PIK3CD: variants seen among roughly 807,000 people sequenced by gnomAD.
PIK3CD encodes phosphatidylinositol-4,5-bisphosphate 3-kinase catalytic subunit delta.
PIK3CD carries 20 observed loss-of-function variants against 122.9 expected under a neutral mutation model. That is an observed-to-expected ratio of 0.16 (90% CI 0.11 to 0.24). The LOEUF is 0.24. PIK3CD is among the 10% of genes least tolerant of loss of function. The pLI, the probability that PIK3CD is intolerant of heterozygous loss-of-function variation, is 1.00. For missense variants in PIK3CD, 787 were observed against 1,406.3 expected (o/e 0.56, Z 7.04); for synonymous variants, 596 against 593.4 (o/e 1.00, Z -0.06).
chr1:9,723,521 A>G lies in PIK3CD; in HGVS notation c.2594+229A>G, dbSNP rs1265127966. The stretch of plus-strand genomic sequence containing the variant: ...CCATCCAAAGCGCAGGGCTTTAAAA[A>G]ACAGCCATTTACGATTGGCTCACAG... On this transcript the variant is annotated intron_variant, in intron 20 of 23. Transcript: ENST00000377346. The surrounding 1 kb of genome is among the most constrained non-coding windows in gnomAD (Gnocchi z 4.9). Among the ~76,000 whole-genome samples, 5 of 152,210 alleles carry G rather than the reference A, an allele frequency of 3.3e-5. No homozygotes were observed. Among genetic ancestry groups the G allele is most frequent in the Non-Finnish European group, 1.5e-5 (1 of 68,036 alleles).
At chr1:9,638,592 T>C in the PIK3CD span, among the ~76,000 whole-genome samples, 8 of 150,440 alleles carry the variant, frequency 5.3e-5, no homozygotes, top group Non-Finnish European at 7.4e-5. Context: ...GTTAGCGGGG[T>C]GTGGTGGCGG....
Position 9,682,635 on chromosome 1 carries a change from C to T in PIK3CD, c.-137-8832C>T, listed in dbSNP as rs570620444. On this transcript the variant is annotated intron_variant, in intron 1 of 23. Transcript: ENST00000377346. ...CACGATTTCAGCTCACTGCCATCTC[C>T]GCCTCCTGGGTTCAAGCGATTTTCC... Among the ~76,000 whole-genome samples, 10 of 152,276 alleles carry T rather than the reference C, an allele frequency of 6.6e-5. No homozygotes were observed. The South Asian group carries it at 8.3e-4, about 13-fold the overall frequency.
In PIK3CD at chr1:9,710,693, G is replaced by A. The variant is rs530389368; in HGVS notation, c.141+97G>A. ...GACAGACAGACAGACAGATGGACAG[G>A]TGGACAGACGGACAGACAGATGGAC... is the stretch of plus-strand genomic sequence containing the variant. On this transcript the variant is annotated intron_variant, in intron 3 of 23. Coordinates refer to ENST00000377346, the MANE Select transcript of PIK3CD (RefSeq NM_005026.5). The surrounding 1 kb of genome is among the most constrained non-coding windows in gnomAD (Gnocchi z 4.7). 5.3e-4 allele frequency: 711 copies of A among 1,349,786 alleles called. 6 individuals are homozygous for A. Among genetic ancestry groups the A allele is most frequent in the South Asian group, 5.0e-3 (428 of 84,888 alleles). 83.6% of individuals were successfully genotyped at this position (1,349,786 alleles called of 1,614,324 possible). A position where few individuals can be genotyped will look rare whatever the true frequency, so the allele number is the denominator to read the frequency against.
intron 3 of PIK3CD, among the ~76,000 whole-genome samples, chr1:9,713,784 A>T (rs1402512582): frequency 4.7e-5 from 7 of 148,044 alleles, no homozygotes; most frequent in Admixed American, 6.7e-5. Context: ...TATTATTATT[A>T]TTTTTGTAAC....
the PIK3CD span, among the ~76,000 whole-genome samples, chr1:9,638,418 C>T: frequency 2.6e-5 from 4 of 152,014 alleles, no homozygotes; most frequent in African/African-American, 7.2e-5. Flanking sequence ...CCTCCAAACC[C>T]GCTTCCGATG....
the PIK3CD span, among the ~76,000 whole-genome samples, chr1:9,642,305 G>T: frequency 6.6e-6 from 1 of 151,654 alleles, no homozygotes; most frequent in South Asian, 2.1e-4. Flanking sequence ...TGGAGACAGG[G>T]TTTCACCATG....
At chr1:9,711,422 T>C (rs1394434773) in intron 3 of PIK3CD, among the ~76,000 whole-genome samples, 1 of 152,188 alleles carries the variant, frequency 6.6e-6, no homozygotes, top group African/African-American at 2.4e-5. Flanking sequence ...CCATGAGTTG[T>C]TGAAAGACTT....
At chr1:9,633,545 G>T in the PIK3CD span, among the ~76,000 whole-genome samples, 1 of 152,180 alleles carries the variant, frequency 6.6e-6, no homozygotes, top group Admixed American at 6.6e-5. Context: ...CTGACCTCAG[G>T]CCATCCACCT....
chr1:9,666,009 C>A (rs1645146828), intron 1 of PIK3CD, among the ~76,000 whole-genome samples: 1 of 152,184 alleles, frequency 6.6e-6, no homozygotes, highest in Admixed American at 6.5e-5. Context: ...TCACTGCAAC[C>A]TCCTTCTCCT....
Position 9,718,039 on chromosome 1 carries a change from T to G in PIK3CD, c.1020+413T>G. 4.2e-6 allele frequency: 2 copies of G among 477,592 alleles called. No homozygotes were observed. Among genetic ancestry groups the G allele is most frequent in the Non-Finnish European group, 8.3e-6 (2 of 241,846 alleles). 29.6% of individuals were successfully genotyped at this position (477,592 alleles called of 1,614,324 possible). A position where few individuals can be genotyped will look rare whatever the true frequency, so the allele number is the denominator to read the frequency against. On this transcript the variant is annotated intron_variant, in intron 8 of 23. Coordinates refer to ENST00000377346, the MANE Select transcript of PIK3CD (RefSeq NM_005026.5). This position sits in a 1 kb window ranked among gnomAD's most constrained non-coding sequence, Gnocchi z 7.2. ...TGTGAGGGCTGCACCTGCCTCAACC[T>G]CTAGGGGCTGAGCCCACCTCCCTGT...
At chr1:9,644,273 G>T in the PIK3CD span, among the ~76,000 whole-genome samples, 23 of 152,092 alleles carry the variant, frequency 1.5e-4, no homozygotes, top group East Asian at 3.8e-4. Flanking sequence ...CAGCACTTTG[G>T]GGGGCTTGAG....
chr1:9,642,707 A>G, the PIK3CD span, among the ~76,000 whole-genome samples: 1 of 135,120 alleles, frequency 7.4e-6, no homozygotes, highest in Non-Finnish European at 1.6e-5. Flanking sequence ...AAAGAGCGAG[A>G]CTCTGTCTCA....
At position 9,721,957 on chromosome 1, in the gene PIK3CD, C is replaced by T. The variant is rs1371278455; in HGVS notation, c.2056-18C>T. ...AGGCTGGGACCTGCCCACCGCCGCC[C>T]TCCCATCTGCCCACCAGGGGGAAGC... On this transcript the variant is annotated intron_variant, in intron 16 of 23. Transcript: ENST00000377346. 13 of 1,613,236 alleles carry T rather than the reference C, an allele frequency of 8.1e-6. No homozygotes were observed. Among genetic ancestry groups the T allele is most frequent in the Non-Finnish European group, 1.1e-5 (13 of 1,179,960 alleles).
chr1:9,718,926 G>C lies in PIK3CD; in HGVS notation c.1242+11G>C. 6.2e-7 allele frequency: 1 copy of C among 1,610,660 alleles called. No individual in the cohort carries two copies. The highest frequency in any genetic ancestry group is 8.5e-7 in the Non-Finnish European group (1 of 1,179,406). Reference sequence around the variant, plus strand: ...AAGTCCAAGAAGGCGGTGGGTCCCAGGGCCGGCTGGGAGGGGTGCAGACCC... The same window carrying C: ...AAGTCCAAGAAGGCGGTGGGTCCCACGGCCGGCTGGGAGGGGTGCAGACCC... On this transcript the variant is annotated intron_variant, in intron 9 of 23. Coordinates refer to ENST00000377346, the MANE Select transcript of PIK3CD (RefSeq NM_005026.5). This position sits in a 1 kb window ranked among gnomAD's most constrained non-coding sequence, Gnocchi z 7.2.
intron 1 of PIK3CD, among the ~76,000 whole-genome samples, chr1:9,671,388 C>G (rs908590340): frequency 6.6e-6 from 1 of 152,050 alleles, no homozygotes; most frequent in African/African-American, 2.4e-5. Context: ...TGTGAGCCAC[C>G]AGGCCTGGCC....
intron 1 of PIK3CD, among the ~76,000 whole-genome samples, chr1:9,661,070 G>A (rs1322307155): frequency 3.3e-5 from 5 of 152,002 alleles, no homozygotes; most frequent in Non-Finnish European, 4.4e-5. Context: ...GAGTAGCTGG[G>A]ATTACAGGCA....
chr1:9,651,330 C>T (rs1644667343), upstream of PIK3CD, among the ~76,000 whole-genome samples: 1 of 152,180 alleles, frequency 6.6e-6, no homozygotes, highest in African/African-American at 2.4e-5. Context: ...CACTGGTCAC[C>T]TCGCAATGGC....
At chr1:9,677,064 G>T (rs1262798443) in intron 1 of PIK3CD, among the ~76,000 whole-genome samples, 1 of 152,130 alleles carries the variant, frequency 6.6e-6, no homozygotes. Context: ...GAGCTTACAG[G>T]GTTGTCTGCA....
chr1:9,705,944 G>A (rs1329119261), intron 2 of PIK3CD, among the ~76,000 whole-genome samples: 1 of 151,980 alleles, frequency 6.6e-6, no homozygotes, highest in Non-Finnish European at 1.5e-5. Flanking sequence ...CCGATCGTAG[G>A]TTATGCCACA....
Sources: allele counts gnomAD v4.1 joint callset (sites outside exome capture counted in the v4.1 genomes callset), GRCh38; gene constraint gnomAD v4.1.1; non-coding constraint Gnocchi (gnomAD v3.1); transcripts MANE v1.5; gene names NCBI Gene and HGNC (gene_info 2026-07-23, HGNC 2026-07-21).